KLC3: variants seen among roughly 807,000 people sequenced by gnomAD.
The protein encoded by KLC3 is kinesin light chain 3, also known as kinesin light chain 2.
KLC3 carries 72 observed loss-of-function variants against 62.9 expected under a neutral mutation model. That is an observed-to-expected ratio of 1.15 (90% CI 0.95 to 1.39). The LOEUF (loss-of-function observed/expected upper bound fraction) is 1.39. KLC3 is among the 40% of genes most tolerant of loss of function. KLC3 has a pLI of 0.00. For missense variants in KLC3, 848 were observed against 691.6 expected (o/e 1.23, Z -2.54); for synonymous variants, 377 against 300.5 (o/e 1.25, Z -2.63).
rs375243876 is a variant in KLC3, at chr19:45,350,637, C to T, written c.1273-4C>T. 2 of 1,613,330 alleles carry T rather than the reference C, an allele frequency of 1.2e-6. No homozygotes were observed. Among genetic ancestry groups the T allele is most frequent in the Non-Finnish European group, 1.7e-6 (2 of 1,179,532 alleles). ...ACTGAGCAGCATCCCCGGCCCCTCCCCAGGCCCTTCGCCGCAGCAGCTCAC... is the reference window on the plus strand; with the variant it reads ...ACTGAGCAGCATCCCCGGCCCCTCCTCAGGCCCTTCGCCGCAGCAGCTCAC... On this transcript the variant is annotated splice_polypyrimidine_tract_variant and splice_region_variant and intron_variant, in intron 10 of 12. Transcript: ENST00000391946.
Position 45,341,186 on chromosome 19 carries a change from TTG to T in KLC3, c.-9+367_-9+368del, listed in dbSNP as rs113240301. Among the ~76,000 whole-genome samples the T allele has an allele frequency of 2.8e-3, 313 of 111,744 alleles. 1 individual carries two copies. The highest frequency in any genetic ancestry group is 9.8e-3 in the East Asian group (25 of 2,554). The allele number at this position is 111,744 out of a possible 152,430, so 73.3% of individuals were successfully genotyped here. A position where few individuals can be genotyped will look rare whatever the true frequency, so the allele number is the denominator to read the frequency against. The stretch of plus-strand genomic sequence containing the variant: ...ATGGGAGTCTCCTGCCTGCCTGTGT[TTG>T]TGTGTGTGTGTGTGTGTGTGTGTGT... On this transcript the variant is annotated intron_variant, in intron 1 of 12. Transcript: ENST00000391946.
intron 5 of KLC3, 120 bp downstream of exon 5, chr19:45,348,280 G>T: frequency 1.1e-6 from 1 of 924,510 alleles, no homozygotes. Context: ...CAGGGGAGGG[G>T]ACAGCAAGAA....
chr19:45,340,758 G>C lies in KLC3; in HGVS notation c.-97G>C, dbSNP rs1971376321. ...GAGCCGCCCGAGGTCCCAGACGCCC[G>C]GCGCAGCGGGAGCGGCGGGGCGTGC... On this transcript the variant is annotated 5_prime_UTR_variant, in exon 1 of 13. Coordinates refer to ENST00000391946, the MANE Select transcript of KLC3 (RefSeq NM_177417.3). 6.6e-6 allele frequency: 1 copy of C among 152,024 alleles called. No homozygotes were observed. The highest frequency in any genetic ancestry group is 2.4e-5 in the African/African-American group (1 of 41,426). 9.4% of individuals were successfully genotyped at this position (152,024 alleles called of 1,614,324 possible).
chr19:45,349,092 C>T (rs757623887), intron 7 of KLC3, among the ~76,000 whole-genome samples, 171 bp downstream of exon 7: 36 of 152,028 alleles, frequency 2.4e-4, no homozygotes, highest in Non-Finnish European at 5.0e-4. Flanking sequence ...CTTCTGAGAT[C>T]CCAGTTTGGT....
At chr19:45,343,420 C>T (rs55895638) in intron 1 of KLC3, among the ~76,000 whole-genome samples, 3,734 of 151,984 alleles carry the variant, frequency 0.025, 56 homozygotes, top group Middle Eastern at 0.054. Flanking sequence ...CTGCAACCTC[C>T]GCCTCTCAGG....
intron 1 of KLC3, among the ~76,000 whole-genome samples, chr19:45,342,251 TGTGTGTGAGGTGTGAGAATAGGTATG>T (rs1043036245): frequency 1.3e-5 from 2 of 151,990 alleles, no homozygotes; most frequent in African/African-American, 4.8e-5. Context: ...TTATGATGTT[TGTGTGTGAGGTGTGAGAATAGGTATG>T]GTGTGATATA....
At chr19:45,342,026 G>A (rs2123172881) in intron 1 of KLC3, among the ~76,000 whole-genome samples, 1 of 152,190 alleles carries the variant, frequency 6.6e-6, no homozygotes, top group Non-Finnish European at 1.5e-5. Flanking sequence ...CTGTGTGAGT[G>A]TGGGAGCTGC....
Position 45,350,235 on chromosome 19 carries a change from A to AACAT in KLC3, c.1144-103_1144-100dup. On this transcript the variant is annotated intron_variant, in intron 8 of 12. Coordinates refer to ENST00000391946, the MANE Select transcript of KLC3 (RefSeq NM_177417.3). Reference sequence around the variant, plus strand: ...CTAGGAGTTCAAGACCAGCCTGGGCAACATACCAAGACCCCTGTCTCTACA... The same window carrying AACAT: ...CTAGGAGTTCAAGACCAGCCTGGGCAACATACATACCAAGACCCCTGTCTCTACA... 4 of 807,254 alleles carry AACAT rather than the reference A, an allele frequency of 5.0e-6. No individual in the cohort carries two copies. The South Asian group carries it at 6.6e-5, about 13-fold the overall frequency. 50.0% of individuals were successfully genotyped at this position (807,254 alleles called of 1,614,324 possible).
intron 11 of KLC3, 57 bp from the exon 12 acceptor site, chr19:45,350,897 C>G (rs1047407328): frequency 3.2e-6 from 5 of 1,584,832 alleles, no homozygotes; most frequent in South Asian, 2.2e-5. Context: ...AAAGGTCCCT[C>G]GTGGAGGGGG....
Position 45,351,279 on chromosome 19 carries a change from T to G in KLC3, c.1444-7T>G, listed in dbSNP as rs764199901. 1 of 1,612,278 alleles carries G rather than the reference T, an allele frequency of 6.2e-7. No individual in the cohort carries two copies. Among genetic ancestry groups the G allele is most frequent in the East Asian group, 2.2e-5 (1 of 44,872 alleles). On this transcript the variant is annotated splice_region_variant and splice_polypyrimidine_tract_variant and intron_variant, in intron 12 of 12. Transcript: ENST00000391946. ...CCCCTCCAACCATCCCCTGTGCCTG[T>G]CTCCAGTTTCCCAGCTGGCACCTGG...
At chr19:45,350,182 G>GAGGC in intron 8 of KLC3, 159 bp from the exon 9 acceptor site, 1 of 620,992 alleles carries the variant, frequency 1.6e-6, no homozygotes, top group Non-Finnish European at 2.8e-6. Context: ...AACACTTTGG[G>GAGGC]AGGCCAAGGC....
chr19:45,346,796 G>A (rs758499255), intron 3 of KLC3, 22 bp downstream of exon 3: 38 of 1,520,212 alleles, frequency 2.5e-5, no homozygotes, highest in South Asian at 1.7e-4. Context: ...AGGGCGAGGC[G>A]GGGGGTGCTG....
chr19:45,347,383 C>A, intron 3 of KLC3, 64 bp from the exon 4 acceptor site: 1 of 1,233,524 alleles, frequency 8.1e-7, no homozygotes, highest in Non-Finnish European at 1.2e-6. Context: ...TGAGATAGAG[C>A]CAGGGCCCCG....
Position 45,347,451 on chromosome 19 carries a change from C to G in KLC3, c.494C>G (p.Ser165Cys). The G allele has an allele frequency of 6.2e-7, 1 of 1,611,772 alleles. No individual in the cohort carries two copies. Among genetic ancestry groups the G allele is most frequent in the Non-Finnish European group, 8.5e-7 (1 of 1,178,968 alleles). Reference protein sequence around the residue: ...QYDPPAESQQSESPPRRDSLA... With the variant: ...QYDPPAESQQCESPPRRDSLA... ...CCCACTTTCCTGTCTCTGCAGCAGT[C>G]TGAGTCCCCGCCTCGCCGAGACAGC... The change falls in exon 4 of 13, where the codon TCT (serine) becomes TGT (cysteine). Residue 165 changes from serine (S) to cysteine (C), a missense_variant. Transcript: ENST00000391946.
In KLC3 at chr19:45,350,998, C is replaced by CA. The variant is rs1307204408; in HGVS notation, c.1426dup (p.Arg476LysfsTer?). ...CTCAACACACTGAACGTGGATGCTC[C>CA]AAGGGCTCCTGGGACTCAGGTGAGG... On this transcript the variant is annotated frameshift_variant, in exon 12 of 13. Transcript: ENST00000391946. LOFTEE classifies it high-confidence loss of function. 1 of 1,613,982 alleles carries CA rather than the reference C, an allele frequency of 6.2e-7. No homozygotes were observed. Among genetic ancestry groups the CA allele is most frequent in the African/African-American group, 1.3e-5 (1 of 74,884 alleles).
intron 1 of KLC3, among the ~76,000 whole-genome samples, chr19:45,341,588 C>CGCGCGCGTGT (rs1568519380): frequency 7.6e-6 from 1 of 132,344 alleles, no homozygotes; most frequent in Non-Finnish European, 1.6e-5. Context: ...TGCGCGCGCG[C>CGCGCGCGTGT]GTGTGGTGGA....
intron 8 of KLC3, 98 bp downstream of exon 8, chr19:45,349,700 G>GTGGGGT: frequency 1.1e-6 from 1 of 880,162 alleles, no homozygotes; most frequent in South Asian, 1.8e-5. Context: ...TGAGGGTGGG[G>GTGGGGT]GGGGGCCCCC....
rs371094925 is a variant in KLC3 at position 45,348,854 on chromosome 19, A to G, written c.902A>G (p.Tyr301Cys). 4 of 1,580,002 alleles carry G rather than the reference A, an allele frequency of 2.5e-6. No homozygotes were observed. Among genetic ancestry groups the G allele is most frequent in the Non-Finnish European group, 3.4e-6 (4 of 1,163,186 alleles). The part of the protein sequence containing the change: ...AATLNNLAVL[Y>C]GKRGRYREAE... Reference sequence around the variant, plus strand: ...ACGCTCAACAACTTGGCTGTCCTCTATGGGAAGCGTGGGCGTTACCGGGAG... The same window carrying G: ...ACGCTCAACAACTTGGCTGTCCTCTGTGGGAAGCGTGGGCGTTACCGGGAG... The change falls in exon 7 of 13, where the codon TAT (tyrosine) becomes TGT (cysteine). Residue 301 changes from tyrosine (Y) to cysteine (C), a missense_variant. Physicochemically the swap from Tyr to Cys is radical, Grantham distance 194 (BLOSUM62 -2). Coordinates refer to ENST00000391946, the MANE Select transcript of KLC3 (RefSeq NM_177417.3).
chr19:45,344,214 CT>C (rs60340712), intron 1 of KLC3, among the ~76,000 whole-genome samples: 1,841 of 121,038 alleles, frequency 0.015, 16 homozygotes, highest in East Asian at 0.05. Flanking sequence ...TGTGTACCGT[CT>C]TTTTTTTTTT....
Sources: gnomAD v4.1 joint callset for allele counts (sites outside exome capture counted in the v4.1 genomes callset) on GRCh38, gnomAD v4.1.1 for gene constraint, MANE v1.5 for transcripts, NCBI Gene and HGNC (gene_info 2026-07-23, HGNC 2026-07-21) for gene names.